PRDM5: variants seen among roughly 807,000 people sequenced by gnomAD.
PRDM5 encodes the protein PR domain zinc finger protein 5.
A neutral mutation model predicts 81.2 loss-of-function variants in PRDM5; 56 were observed. The ratio of observed to expected loss-of-function variants is 0.69; its 90% CI spans 0.56 to 0.86. PRDM5 has a LOEUF of 0.86. Ranked by LOEUF, PRDM5 falls within the 40% of genes least tolerant of loss-of-function variation. The pLI is 0.00. For synonymous variants in PRDM5, 267 were observed against 256.4 expected (o/e 1.04, Z -0.39); for missense variants, 697 against 770.1 (o/e 0.91, Z 1.12).
At chr4:120,863,225 C>CATAT (rs1159735125) in intron 2 of PRDM5, among the ~76,000 whole-genome samples, 1 of 138,658 alleles carries the variant, frequency 7.2e-6, no homozygotes, top group African/African-American at 2.7e-5. Context: ...CACACACACA[C>CATAT]ATATATATGT....
At chr4:120,866,519 C>A (rs929306927) in intron 2 of PRDM5, among the ~76,000 whole-genome samples, 1 of 152,130 alleles carries the variant, frequency 6.6e-6, no homozygotes, top group Non-Finnish European at 1.5e-5. Flanking sequence ...TGTTAAACAC[C>A]TTTATATATA....
At chr4:120,875,206 G>A (rs541085350) in intron 2 of PRDM5, among the ~76,000 whole-genome samples, 3 of 152,254 alleles carry the variant, frequency 2.0e-5, no homozygotes, top group African/African-American at 7.2e-5. Context: ...GCCAACCCAG[G>A]GCCCTGACTC....
chr4:120,759,020 G>C (rs1291045008), intron 13 of PRDM5, among the ~76,000 whole-genome samples: 1 of 151,768 alleles, frequency 6.6e-6, no homozygotes, highest in Non-Finnish European at 1.5e-5. Flanking sequence ...CACCCAAAGT[G>C]CTGGGATTAC....
intron 14 of PRDM5, among the ~76,000 whole-genome samples, chr4:120,726,153 C>A (rs887778515): frequency 2.0e-5 from 3 of 152,120 alleles, no homozygotes; most frequent in Admixed American, 1.3e-4. Flanking sequence ...TCAGGCCAAA[C>A]AAAATGCTTT....
In PRDM5 at chr4:120,798,338, C is replaced by CATTAAA; in HGVS notation, c.1116_1117insTTTAAT (p.Glu372_Asp373insPheAsn). The CATTAAA allele has an allele frequency of 6.2e-7, 1 of 1,613,208 alleles. No individual in the cohort carries two copies. The highest frequency in any genetic ancestry group is 2.2e-5 in the East Asian group (1 of 44,840). On this transcript the variant is annotated inframe_insertion, in exon 10 of 16. Coordinates refer to ENST00000264808, the MANE Select transcript of PRDM5 (RefSeq NM_018699.4). The stretch of plus-strand genomic sequence containing the variant: ...CAAAGTTTGCATTTGTAAGGTTTGT[C>CATTAAA]TTCGCTGTGTATTACTTTGTGAGCA...
At chr4:120,753,198 A>C (rs1744251300) in intron 14 of PRDM5, among the ~76,000 whole-genome samples, 1 of 152,184 alleles carries the variant, frequency 6.6e-6, no homozygotes, top group Non-Finnish European at 1.5e-5. Context: ...TTATTGATAC[A>C]TCTGTGACAA....
At chr4:120,800,266 A>C (rs1333113050) in intron 8 of PRDM5, among the ~76,000 whole-genome samples, 1 of 152,206 alleles carries the variant, frequency 6.6e-6, no homozygotes, top group African/African-American at 2.4e-5. Context: ...TTGTAATCCC[A>C]GCACTTTGGG....
intron 1 of PRDM5, among the ~76,000 whole-genome samples, chr4:120,920,526 T>TATG (rs1169854012): frequency 6.6e-6 from 1 of 152,212 alleles, no homozygotes; most frequent in African/African-American, 2.4e-5. Context: ...AGGGATGCCT[T>TATG]GATACTCAGC....
chr4:120,754,459 T>C (rs1286651332), intron 14 of PRDM5, 94 bp downstream of exon 14: 10 of 819,930 alleles, frequency 1.2e-5, no homozygotes, highest in Admixed American at 2.2e-5. Flanking sequence ...TTCCAGTGTA[T>C]TGCCTTTATT....
intron 3 of PRDM5, chr4:120,838,411 T>C (rs1055361251): frequency 6.6e-6 from 1 of 152,214 alleles, no homozygotes; most frequent in Non-Finnish European, 1.5e-5. Flanking sequence ...ATCTCAAACA[T>C]GTATCATTTC....
At chr4:120,775,497 T>A (rs1339340231) in intron 13 of PRDM5, among the ~76,000 whole-genome samples, 1 of 152,182 alleles carries the variant, frequency 6.6e-6, no homozygotes, top group East Asian at 1.9e-4. Flanking sequence ...TGGGTTCATC[T>A]TTTCTGTGCT....
chr4:120,687,613 C>A (rs2148975929), downstream of PRDM5, among the ~76,000 whole-genome samples: 1 of 152,212 alleles, frequency 6.6e-6, no homozygotes, highest in Middle Eastern at 3.4e-3. Context: ...AAATCCAGTT[C>A]TCAATTCTTT....
rs1461665285 is a variant in PRDM5, at chr4:120,746,053, CA to C, written c.1623+8499del. On this transcript the variant is annotated intron_variant, in intron 14 of 15. Coordinates refer to ENST00000264808, the MANE Select transcript of PRDM5 (RefSeq NM_018699.4). ...AACTATACTACAAGGCTACAGTAACCAAAACAGCATGGTACTGGTACCAAAA... is the reference window on the plus strand; with the variant it reads ...AACTATACTACAAGGCTACAGTAACCAAACAGCATGGTACTGGTACCAAAA... 2.1e-5 allele frequency among the ~76,000 whole-genome samples: 3 copies of C among 143,200 alleles called. 1 individual carries two copies. The highest frequency in any genetic ancestry group is 8.1e-5 in the African/African-American group (3 of 37,018). 93.9% of individuals were successfully genotyped at this position (143,200 alleles called of 152,430 possible).
At chr4:120,758,759 C>CTT (rs770892664) in intron 13 of PRDM5, among the ~76,000 whole-genome samples, 1 of 143,784 alleles carries the variant, frequency 7.0e-6, no homozygotes. Flanking sequence ...TCATCCTACT[C>CTT]TTTTTTTTTT....
intron 2 of PRDM5, among the ~76,000 whole-genome samples, chr4:120,857,721 G>C (rs910027913): frequency 6.6e-6 from 1 of 152,138 alleles, no homozygotes; most frequent in African/African-American, 2.4e-5. Flanking sequence ...GTAAATGAAA[G>C]AAGAAAGTGG....
chr4:120,839,802 G>C (rs750133915), intron 3 of PRDM5, among the ~76,000 whole-genome samples: 3 of 152,176 alleles, frequency 2.0e-5, no homozygotes, highest in Non-Finnish European at 4.4e-5. Flanking sequence ...AGGCCACACT[G>C]AGCTGCCCTC....
intron 2 of PRDM5, among the ~76,000 whole-genome samples, chr4:120,856,496 C>T (rs949414915): frequency 6.6e-6 from 1 of 152,220 alleles, no homozygotes; most frequent in Non-Finnish European, 1.5e-5. Context: ...GCCATTTCCT[C>T]ATTGCACCAG....
chr4:120,736,775 T>C (rs1312790957), intron 14 of PRDM5, among the ~76,000 whole-genome samples: 1 of 152,198 alleles, frequency 6.6e-6, no homozygotes, highest in Non-Finnish European at 1.5e-5. Context: ...AATTTTCCTA[T>C]CCAGGTATCC....
chr4:120,883,576 C>T (rs1320902771), intron 2 of PRDM5, among the ~76,000 whole-genome samples: 2 of 119,344 alleles, frequency 1.7e-5, no homozygotes, highest in Non-Finnish European at 3.2e-5. Context: ...ACACCGGTGC[C>T]TGTTGTGGGG....
Sources: allele counts gnomAD v4.1 joint callset (sites outside exome capture counted in the v4.1 genomes callset), GRCh38; gene constraint gnomAD v4.1.1; transcripts MANE v1.5; gene names NCBI Gene and HGNC (gene_info 2026-07-23, HGNC 2026-07-21).